Variants in TGFBR3 observed in about 807,000 individuals in gnomAD.
TGFBR3 encodes transforming growth factor beta receptor 3.
A neutral mutation model predicts 87.9 loss-of-function variants in TGFBR3; 46 were observed. The observed-to-expected ratio is 0.52, with a 90% CI of 0.41 to 0.67. TGFBR3 has a LOEUF of 0.67. Among genes scored for constraint, TGFBR3 ranks in the 30% least tolerant of loss-of-function variants. The pLI, the probability that TGFBR3 is intolerant of heterozygous loss-of-function variation, is 0.00. For missense variants in TGFBR3, 866 were observed against 1,041.9 expected, an observed-to-expected ratio of 0.83 and a Z score of 2.32; for synonymous variants, 381 against 391.6, an observed-to-expected ratio of 0.97 and a Z score of 0.32.
At chr1:91,764,944 T>A (rs1217272474) in intron 3 of TGFBR3, among the ~76,000 whole-genome samples, 1 of 152,166 alleles carries the variant, frequency 6.6e-6, no homozygotes, top group Admixed American at 6.5e-5. Flanking sequence ...ATGAACTGCT[T>A]AGATCAAGCT....
intron 16 of TGFBR3, among the ~76,000 whole-genome samples, chr1:91,689,875 G>A (rs1671213175): frequency 7.0e-6 from 1 of 142,274 alleles, no homozygotes; most frequent in East Asian, 2.1e-4. Context: ...GCAAGGGTAC[G>A]ACTTTGCATA....
At chr1:91,857,247 C>T (rs1231579730) in intron 2 of TGFBR3, among the ~76,000 whole-genome samples, 1 of 152,152 alleles carries the variant, frequency 6.6e-6, no homozygotes, top group African/African-American at 2.4e-5. Context: ...AGAATAAAAT[C>T]CACAAGCCTC....
At chr1:91,845,357 C>T (rs1036170256) in intron 2 of TGFBR3, among the ~76,000 whole-genome samples, 1 of 152,210 alleles carries the variant, frequency 6.6e-6, no homozygotes, top group Non-Finnish European at 1.5e-5. Context: ...GGCTCAGGAA[C>T]TGGAAGATTA....
At chr1:91,820,779 A>G (rs559222569) in intron 2 of TGFBR3, among the ~76,000 whole-genome samples, 1 of 152,368 alleles carries the variant, frequency 6.6e-6, no homozygotes, top group South Asian at 2.1e-4. Context: ...GTACAGACAG[A>G]AATATCTTAT....
chr1:91,821,889 A>T (rs1676464229), intron 2 of TGFBR3, among the ~76,000 whole-genome samples: 1 of 152,238 alleles, frequency 6.6e-6, no homozygotes, highest in South Asian at 2.1e-4. Context: ...TATCTTTACT[A>T]TTATTAACCA....
intron 3 of TGFBR3, among the ~76,000 whole-genome samples, chr1:91,785,502 T>A (rs924260889): frequency 6.6e-6 from 1 of 152,162 alleles, no homozygotes; most frequent in African/African-American, 2.4e-5. Flanking sequence ...GTAAATTATA[T>A]CTCATTAAAG....
intron 2 of TGFBR3, among the ~76,000 whole-genome samples, chr1:91,801,994 A>G (rs1012766372): frequency 6.6e-6 from 1 of 152,216 alleles, no homozygotes; most frequent in African/African-American, 2.4e-5. Context: ...AGTCCCTGTG[A>G]AAACACCCAG....
At chr1:91,722,984 T>C (rs1672422338) in intron 7 of TGFBR3, among the ~76,000 whole-genome samples, 1 of 152,222 alleles carries the variant, frequency 6.6e-6, no homozygotes, top group Admixed American at 6.5e-5. Flanking sequence ...CTATATAAAC[T>C]ATTAAATTCC....
At chr1:91,827,358 A>G (rs1018703722) in intron 2 of TGFBR3, among the ~76,000 whole-genome samples, 1 of 152,238 alleles carries the variant, frequency 6.6e-6, no homozygotes, top group Non-Finnish European at 1.5e-5. Flanking sequence ...AAAGGGGTCC[A>G]TTATCAGTGG....
chr1:91,751,529 T>C (rs1673540733), intron 4 of TGFBR3, among the ~76,000 whole-genome samples: 1 of 152,192 alleles, frequency 6.6e-6, no homozygotes, highest in Non-Finnish European at 1.5e-5. Flanking sequence ...CAAATAGCAC[T>C]TGTTTTTCAC....
exon 1 of TGFBR3, chr1:91,905,955 C>A (rs1438761483): frequency 6.6e-6 from 1 of 151,668 alleles, no homozygotes. Context: ...TTTGAAGGCC[C>A]AAGGAAAAAA....
rs1007856222 is a variant in TGFBR3, at chr1:91,822,208, G to A, written c.62-24737C>T. Among the ~76,000 whole-genome samples the A allele has an allele frequency of 2.8e-5, 4 of 144,964 alleles. No individual in the cohort carries two copies. The Admixed American group carries it at 2.8e-4, about 10-fold the overall frequency. On this transcript the variant is annotated intron_variant, in intron 2 of 16. Coordinates refer to ENST00000212355, the MANE Select transcript of TGFBR3 (RefSeq NM_003243.5). Reference sequence around the variant, plus strand: ...AATCTGGAGAGATGATAGACAAACCGCCACATTTATATTCTTCTACTGCCA... The same window carrying A: ...AATCTGGAGAGATGATAGACAAACCACCACATTTATATTCTTCTACTGCCA...
At chr1:91,828,221 G>A (rs1676717854) in intron 2 of TGFBR3, among the ~76,000 whole-genome samples, 1 of 152,162 alleles carries the variant, frequency 6.6e-6, no homozygotes, top group African/African-American at 2.4e-5. Flanking sequence ...TACTCAGGGT[G>A]AAGCACTGGA....
Position 91,716,692 on chromosome 1 carries a change from G to A in TGFBR3, c.1583C>T (p.Pro528Leu), listed in dbSNP as rs760530231. The stretch of plus-strand genomic sequence containing the variant: ...CCAACCACTACTGTCCCCAAGGGCT[G>A]GAACCTGTATCACAATCTAAAAGGC... ...VYYNSIVIQV[P>L]ALGDSSGWPD... The change falls in exon 11 of 17, where the codon CCA (proline) becomes CTA (leucine). Residue 528 changes from proline to leucine, a missense_variant. Transcript: ENST00000212355. 2 of 1,614,022 alleles carry A rather than the reference G, an allele frequency of 1.2e-6. No individual in the cohort carries two copies. The highest frequency in any genetic ancestry group is 1.1e-5 in the South Asian group (1 of 91,086).
At chr1:91,882,305 T>C (rs1347842918) in intron 1 of TGFBR3, among the ~76,000 whole-genome samples, 1 of 151,344 alleles carries the variant, frequency 6.6e-6, no homozygotes, top group African/African-American at 2.4e-5. Context: ...CTCAGCAAAT[T>C]GTTGTATTTT....
At chr1:91,894,200 C>T (rs2101337169) in intron 2 of TGFBR3, among the ~76,000 whole-genome samples, 1 of 152,270 alleles carries the variant, frequency 6.6e-6, no homozygotes, top group Non-Finnish European at 1.5e-5. Flanking sequence ...TCTCTCGTTA[C>T]CCTGGATGAA....
intron 3 of TGFBR3, among the ~76,000 whole-genome samples, chr1:91,775,638 C>G (rs1488500278): frequency 6.6e-6 from 1 of 152,214 alleles, no homozygotes; most frequent in Non-Finnish European, 1.5e-5. Context: ...GACACAAAGC[C>G]TGTTGGCATC....
chr1:91,883,729 T>C (rs1293053420), intron 1 of TGFBR3, among the ~76,000 whole-genome samples: 3 of 150,960 alleles, frequency 2.0e-5, no homozygotes, highest in Non-Finnish European at 4.4e-5. Flanking sequence ...ACGGTCAGAT[T>C]CCATCAAAAC....
At chr1:91,802,343 A>C (rs1675660745) in intron 2 of TGFBR3, among the ~76,000 whole-genome samples, 1 of 151,278 alleles carries the variant, frequency 6.6e-6, no homozygotes, top group African/African-American at 2.4e-5. Context: ...TCTCAGACTT[A>C]CTTATTTCTC....
Sources: gnomAD v4.1 joint callset for allele counts (sites outside exome capture counted in the v4.1 genomes callset) on GRCh38, gnomAD v4.1.1 for gene constraint, MANE v1.5 for transcripts, NCBI Gene and HGNC (gene_info 2026-07-23, HGNC 2026-07-21) for gene names.